The following ANKFN1 variants were observed in gnomAD, a reference collection of about 807,000 sequenced individuals.
ANKFN1 encodes ankyrin repeat and fibronectin type-III domain-containing protein 1.
In ANKFN1, 74 loss-of-function variants were observed where a neutral mutation model predicts 108.7. That is an observed-to-expected ratio of 0.68 (90% confidence interval 0.56 to 0.83). The LOEUF is 0.83. ANKFN1 is among the 40% of genes least tolerant of loss of function. ANKFN1 has a pLI of 0.00. For synonymous variants in ANKFN1, 547 were observed against 516.2 expected, an observed-to-expected ratio of 1.06 and a Z score of -0.81; for missense variants, 1,505 against 1,382.3, an observed-to-expected ratio of 1.09 and a Z score of -1.41.
intron 19 of ANKFN1, among the ~76,000 whole-genome samples, chr17:56,496,548 T>C (rs2051206518): frequency 6.6e-6 from 1 of 152,114 alleles, no homozygotes; most frequent in Non-Finnish European, 1.5e-5. Context: ...TAGCATTCCT[T>C]GACTTCTGGC....
At chr17:56,411,254 G>A (rs1044179491) in intron 8 of ANKFN1, among the ~76,000 whole-genome samples, 1 of 152,096 alleles carries the variant, frequency 6.6e-6, no homozygotes, top group Non-Finnish European at 1.5e-5. Context: ...TTATGCTATT[G>A]TAGGTAGGAT....
At chr17:56,222,600 G>A (rs575847090) in intron 2 of ANKFN1, among the ~76,000 whole-genome samples, 13 of 152,202 alleles carry the variant, frequency 8.5e-5, no homozygotes, top group East Asian at 5.8e-4. Context: ...AGGAATGATC[G>A]GAGAAAAAGA....
chr17:56,286,973 T>C (rs1036247036), intron 3 of ANKFN1, among the ~76,000 whole-genome samples: 1 of 152,112 alleles, frequency 6.6e-6, no homozygotes, highest in Non-Finnish European at 1.5e-5. Flanking sequence ...ATCAAAATTT[T>C]CCTAGGATGA....
intron 8 of ANKFN1, among the ~76,000 whole-genome samples, chr17:56,409,047 C>T (rs1244760595): frequency 6.6e-6 from 1 of 151,824 alleles, no homozygotes. Flanking sequence ...GCCTCAGCCT[C>T]CTAAGTAGCT....
intron 15 of ANKFN1, among the ~76,000 whole-genome samples, chr17:56,474,656 G>A (rs560268273): frequency 1.9e-4 from 29 of 152,118 alleles, no homozygotes; most frequent in Non-Finnish European, 2.9e-4. Flanking sequence ...AGCCACATCT[G>A]TTTGTCTAGC....
intron 14 of ANKFN1, among the ~76,000 whole-genome samples, chr17:56,462,961 G>A (rs974087159): frequency 5.3e-5 from 8 of 152,102 alleles, no homozygotes; most frequent in Admixed American, 4.6e-4. Flanking sequence ...CCTCATCTGC[G>A]CTCATAGTCA....
intron 18 of ANKFN1, 133 bp downstream of exon 18, chr17:56,482,657 A>G (rs1283791753): frequency 3.6e-6 from 4 of 1,101,736 alleles, no homozygotes. Context: ...AACCCTTCCT[A>G]GAACTGTGTA....
intron 20 of ANKFN1, among the ~76,000 whole-genome samples, chr17:56,502,732 T>C (rs1224016459): frequency 6.6e-6 from 1 of 152,220 alleles, no homozygotes; most frequent in African/African-American, 2.4e-5. Context: ...AGGGCAAAGT[T>C]TGCAGCATAA....
At chr17:56,382,891 C>T (rs1267762232) in intron 8 of ANKFN1, among the ~76,000 whole-genome samples, 5 of 152,168 alleles carry the variant, frequency 3.3e-5, no homozygotes, top group African/African-American at 9.7e-5. Context: ...GAGACTTTAA[C>T]ACCCCACTGT....
intron 8 of ANKFN1, among the ~76,000 whole-genome samples, chr17:56,375,386 T>C (rs1265970153): frequency 6.6e-6 from 1 of 151,970 alleles, no homozygotes. Context: ...GAATAGAAAA[T>C]AGCATGGCTC....
intron 3 of ANKFN1, among the ~76,000 whole-genome samples, chr17:56,241,581 T>C (rs1917585128): frequency 6.6e-6 from 1 of 152,046 alleles, no homozygotes; most frequent in Non-Finnish European, 1.5e-5. Flanking sequence ...TCTCCCCTTA[T>C]CCATGAGGAG....
At chr17:56,063,216 G>A (rs1193725750) in intron 4 of ANKFN1, among the ~76,000 whole-genome samples, 1 of 152,046 alleles carries the variant, frequency 6.6e-6, no homozygotes, top group African/African-American at 2.4e-5. Flanking sequence ...AGAATCCGAA[G>A]ATTATATGTC....
At chr17:56,368,133 T>C in intron 6 of ANKFN1, 1 of 1,300,232 alleles carries the variant, frequency 7.7e-7, no homozygotes, top group South Asian at 1.6e-5. Flanking sequence ...GCCTGATCAC[T>C]ATAAATATTC....
At chr17:56,319,900 G>A (rs1039530377) in intron 3 of ANKFN1, among the ~76,000 whole-genome samples, 13 of 152,046 alleles carry the variant, frequency 8.6e-5, no homozygotes, top group African/African-American at 2.7e-4. Flanking sequence ...AACAACTAAC[G>A]AAATGTATTA....
Position 56,374,676 on chromosome 17 carries a change from C to T in ANKFN1, c.872C>T (p.Pro291Leu). ...STSLTVSFQE[P>L]LSVNAAVVTR... is the part of the protein sequence containing the mutation. ...TCACTCACTGTCAGCTTCCAAGAGC[C>T]TCTTAGCGTCAATGCAGCTGTAGTA... The change falls in exon 8 of 21, where the codon CCT (proline) becomes CTT (leucine). Residue 291 changes from proline to leucine, a missense_variant. Physicochemically the swap from Pro to Leu is moderately conservative, Grantham distance 98. Coordinates refer to ENST00000682825, the MANE Select transcript of ANKFN1 (RefSeq NM_001370326.1). The T allele has an allele frequency of 6.2e-7, 1 of 1,613,880 alleles. No individual in the cohort carries two copies. Among genetic ancestry groups the T allele is most frequent in the Non-Finnish European group, 8.5e-7 (1 of 1,179,812 alleles).
intron 4 of ANKFN1, among the ~76,000 whole-genome samples, chr17:56,124,430 C>T (rs767577809): frequency 6.6e-6 from 1 of 152,182 alleles, no homozygotes; most frequent in Non-Finnish European, 1.5e-5. Context: ...CTTTGAGACT[C>T]AGTGTGGTGG....
chr17:56,188,569 G>A (rs1380867722), intron 1 of ANKFN1, among the ~76,000 whole-genome samples: 6 of 102,608 alleles, frequency 5.8e-5, no homozygotes, highest in Non-Finnish European at 9.2e-5. Context: ...GTGTATGTGT[G>A]TGTGTGTGTG....
At chr17:56,208,621 A>C (rs1227111324) in intron 1 of ANKFN1, among the ~76,000 whole-genome samples, 1 of 152,156 alleles carries the variant, frequency 6.6e-6, no homozygotes. Context: ...TTACTGCTAT[A>C]ATAGCTGTGT....
intron 8 of ANKFN1, among the ~76,000 whole-genome samples, chr17:56,430,460 T>TA (rs996942444): frequency 1.3e-3 from 190 of 148,196 alleles, no homozygotes; most frequent in African/African-American, 4.4e-3. Flanking sequence ...CATTGTCTAC[T>TA]AAAAAAAATT....
Sources: gnomAD v4.1 joint callset for allele counts (sites outside exome capture counted in the v4.1 genomes callset) on GRCh38, gnomAD v4.1.1 for gene constraint, MANE v1.5 for transcripts, NCBI Gene and HGNC (gene_info 2026-07-23, HGNC 2026-07-21) for gene names.